The following PABIR3 variants were observed in gnomAD, a reference collection of about 807,000 sequenced individuals.
PABIR3 encodes the protein PABIR family member 3.
Under a neutral mutation model 23.1 loss-of-function variants are expected in PABIR3, and 20 were observed. That is an observed-to-expected ratio of 0.86 (90% CI 0.61 to 1.26). The LOEUF (loss-of-function observed/expected upper bound fraction) is 1.26. PABIR3 is among the 50% of genes most tolerant of loss of function. PABIR3 has a pLI of 0.00. For synonymous variants in PABIR3, 69 were observed against 68.5 expected (o/e 1.01, Z -0.04); for missense variants, 189 against 195.4 (o/e 0.97, Z 0.20).
intron 4 of PABIR3, among the ~76,000 whole-genome samples, chrX:134,841,940 T>C (rs2082248735): frequency 8.9e-6 from 1 of 111,936 alleles, no homozygotes; most frequent in African/African-American, 3.2e-5. Context: ...TGAGCTGAGA[T>C]TGCACCACTG....
chrX:134,852,881 C>T lies in PABIR3; in HGVS notation c.671C>T (p.Ser224Leu), dbSNP rs972338311. Residue 224 changes from serine to leucine, a missense_variant, in exon 10 of 11, where the codon TCA (serine) becomes TTA (leucine). Physicochemically the swap from Ser to Leu is moderately radical, Grantham distance 145 (BLOSUM62 -2). Coordinates refer to ENST00000645433, the MANE Select transcript of PABIR3 (RefSeq NM_001388447.1). ...CTTTCTTCTGATACTTCCCAACTGT[C>T]AGAAAATAATGTGTAGTGAGTATTA... Reference protein sequence around the residue: ...NMLSSDTSQLSENNVYLLPAT... With the variant: ...NMLSSDTSQLLENNVYLLPAT... 9.2e-5 allele frequency: 104 copies of T among 1,126,973 alleles called. No homozygotes were observed. Among genetic ancestry groups the T allele is most frequent in the Non-Finnish European group, 1.2e-4 (104 of 858,869 alleles). The allele number at this position is 1,126,973 out of a possible 1,213,427, so 92.9% of individuals were successfully genotyped here.
chrX:134,798,116 C>T (rs971522341), intron 1 of PABIR3, among the ~76,000 whole-genome samples: 15 of 111,638 alleles, frequency 1.3e-4, no homozygotes, highest in African/African-American at 4.9e-4. Flanking sequence ...CCACCGCGCC[C>T]GGTCAAGATT....
At chrX:134,834,096 G>GT (rs1265934918) in intron 4 of PABIR3, 1 of 112,062 alleles carries the variant, frequency 8.9e-6, no homozygotes, top group Admixed American at 9.5e-5. Flanking sequence ...TCGCCACACC[G>GT]TCTTCCACAG....
At chrX:134,840,664 GC>G (rs1421492304) in intron 4 of PABIR3, among the ~76,000 whole-genome samples, 1 of 110,954 alleles carries the variant, frequency 9.0e-6, no homozygotes, top group African/African-American at 3.3e-5. Context: ...TGTCTCCAAA[GC>G]CGGGGTCCTG....
At chrX:134,827,527 C>CT (rs1227794802) in intron 3 of PABIR3, among the ~76,000 whole-genome samples, 2 of 111,320 alleles carry the variant, frequency 1.8e-5, no homozygotes, top group Non-Finnish European at 3.8e-5. Flanking sequence ...CATGATGTTG[C>CT]TAGGGTTACC....
At chrX:134,800,868 A>G (rs182621751) in intron 1 of PABIR3, among the ~76,000 whole-genome samples, 1 of 112,686 alleles carries the variant, frequency 8.9e-6, no homozygotes, top group Non-Finnish European at 1.9e-5. Flanking sequence ...GATGGCAAGC[A>G]ATTTATAAGA....
At chrX:134,830,083 TTTACCC>T (rs2081699477) in intron 4 of PABIR3, among the ~76,000 whole-genome samples, 1 of 111,232 alleles carries the variant, frequency 9.0e-6, no homozygotes, top group Admixed American at 9.7e-5. Context: ...AATTTAGCAA[TTTACCC>T]AATCTCCAGA....
chrX:134,832,032 C>T (rs1004476786), intron 4 of PABIR3, among the ~76,000 whole-genome samples: 3 of 111,224 alleles, frequency 2.7e-5, no homozygotes, highest in Non-Finnish European at 5.7e-5. Flanking sequence ...ATTCCCGGCA[C>T]TTTGGGAGGC....
At chrX:134,838,171 C>T (rs1030157105) in intron 4 of PABIR3, among the ~76,000 whole-genome samples, 2 of 111,526 alleles carry the variant, frequency 1.8e-5, no homozygotes, top group Non-Finnish European at 3.8e-5. Context: ...GCTTCTAATC[C>T]TACTAATTCT....
intron 1 of PABIR3, among the ~76,000 whole-genome samples, chrX:134,801,814 G>C: frequency 9.1e-6 from 1 of 109,454 alleles, no homozygotes; most frequent in African/African-American, 3.3e-5. Context: ...GAGGTTTTCT[G>C]CATAGGGGCC....
At chrX:134,840,160 G>GCGTGCT (rs1428165300) in intron 4 of PABIR3, among the ~76,000 whole-genome samples, 5 of 111,109 alleles carry the variant, frequency 4.5e-5, no homozygotes, top group Admixed American at 9.5e-5. Flanking sequence ...CTTGAAGGCA[G>GCGTGCT]CGTGCTCGTT....
chrX:134,823,139 CA>C (rs1311351174), intron 3 of PABIR3: 28 of 91,674 alleles, frequency 3.1e-4, no homozygotes, highest in Admixed American at 4.9e-4. Context: ...GACTCCGTCT[CA>C]AAAAAAAAAA....
At chrX:134,847,548 C>A in intron 7 of PABIR3, 73 bp downstream of exon 7, 1 of 747,526 alleles carries the variant, frequency 1.3e-6, no homozygotes, top group Non-Finnish European at 2.0e-6. Context: ...TAATGGTCAC[C>A]AAAACAAATA....
chrX:134,838,303 G>A (rs1378737977), intron 4 of PABIR3, among the ~76,000 whole-genome samples: 2 of 110,471 alleles, frequency 1.8e-5, no homozygotes, highest in Non-Finnish European at 3.8e-5. Context: ...CTTCCACAAT[G>A]AAGACCAAGA....
At chrX:134,826,272 C>T (rs1348989916) in intron 3 of PABIR3, among the ~76,000 whole-genome samples, 2 of 111,716 alleles carry the variant, frequency 1.8e-5, no homozygotes, top group Non-Finnish European at 3.8e-5. Context: ...AGCACTTTCA[C>T]TTTTCTGTTG....
the PABIR3 span, among the ~76,000 whole-genome samples, chrX:134,861,760 A>G: frequency 2.7e-5 from 3 of 111,054 alleles, no homozygotes; most frequent in Non-Finnish European, 5.7e-5. Flanking sequence ...AATGCGAATA[A>G]GTACACATAT....
chrX:134,843,408 TAA>T (rs765384577), intron 4 of PABIR3, among the ~76,000 whole-genome samples: 14 of 96,522 alleles, frequency 1.5e-4, no homozygotes, highest in Admixed American at 1.1e-4. Flanking sequence ...CTGCATAGGG[TAA>T]AAAAAAAAAA....
intron 8 of PABIR3, among the ~76,000 whole-genome samples, 195 bp downstream of exon 8, chrX:134,848,166 G>C (rs1433632213): frequency 1.8e-5 from 2 of 110,790 alleles, no homozygotes; most frequent in Non-Finnish European, 3.8e-5. Flanking sequence ...CGAGGCGGGT[G>C]GATCACCTGA....
At chrX:134,859,945 T>G in the PABIR3 span, among the ~76,000 whole-genome samples, 1 of 111,497 alleles carries the variant, frequency 9.0e-6, no homozygotes, top group Non-Finnish European at 1.9e-5. Flanking sequence ...TACTTTCCAT[T>G]TCTAGTCTCC....
Sources: allele counts gnomAD v4.1 joint callset (sites outside exome capture counted in the v4.1 genomes callset), GRCh38; gene constraint gnomAD v4.1.1; transcripts MANE v1.5; gene names NCBI Gene and HGNC (gene_info 2026-07-23, HGNC 2026-07-21).